The following ZDHHC24 variants were observed in gnomAD, a reference collection of about 807,000 sequenced individuals.
ZDHHC24 encodes probable palmitoyltransferase ZDHHC24.
A neutral mutation model predicts 23.2 loss-of-function variants in ZDHHC24; 17 were observed. The observed-to-expected ratio is 0.73, with a 90% CI of 0.50 to 1.10. The LOEUF is 1.10. Among genes scored for constraint, ZDHHC24 ranks in the 50% least tolerant of loss-of-function variants. ZDHHC24 has a pLI of 0.00. For synonymous variants in ZDHHC24, 186 were observed against 194.5 expected (o/e 0.96, Z 0.36); for missense variants, 366 against 393.0 (o/e 0.93, Z 0.58).
chr11:66,544,462 A>G (rs1184079369), intron 1 of ZDHHC24, among the ~76,000 whole-genome samples: 3 of 152,038 alleles, frequency 2.0e-5, no homozygotes, highest in African/African-American at 4.8e-5. Context: ...ACATCCTTCT[A>G]TCTGTGACAT....
At chr11:66,522,249 TA>T (rs1273854754) in intron 4 of ZDHHC24, among the ~76,000 whole-genome samples, 19 of 148,510 alleles carry the variant, frequency 1.3e-4, no homozygotes, top group Non-Finnish European at 2.7e-4. Context: ...TGGGAAGAAA[TA>T]AAAAAAAATT....
downstream of ZDHHC24, among the ~76,000 whole-genome samples, chr11:66,534,315 C>T (rs554355581): frequency 1.1e-4 from 17 of 151,508 alleles, no homozygotes; most frequent in African/African-American, 3.1e-4. Context: ...TGGTGGCAGG[C>T]GCGTGTAATC....
chr11:66,530,891 T>C, downstream of ZDHHC24: 2 of 1,614,168 alleles, frequency 1.2e-6, no homozygotes, highest in Non-Finnish European at 1.7e-6. Flanking sequence ...ACCCTCTCCA[T>C]AGGTTCAGGG....
intron 4 of ZDHHC24, among the ~76,000 whole-genome samples, chr11:66,525,093 A>G (rs913323736): frequency 2.0e-5 from 3 of 151,714 alleles, no homozygotes; most frequent in Non-Finnish European, 1.5e-5. Context: ...CCAGCTACTC[A>G]GGAGGCTGAG....
At chr11:66,527,194 G>T in intron 3 of ZDHHC24, 2 of 565,848 alleles carry the variant, frequency 3.5e-6, no homozygotes, top group Non-Finnish European at 3.1e-6. Context: ...GTAACATAAT[G>T]ATACTTCTTT....
chr11:66,539,686 C>T lies in ZDHHC24; in HGVS notation c.698G>A (p.Gly233Asp), dbSNP rs764459183. The stretch of plus-strand genomic sequence containing the variant: ...GGGACCCAGGTCATAGGAGTGCTGG[C>T]CCCGAGCCCACTCCCATGTGGTCTG... Reference protein sequence around the residue: ...RGQTTWEWARGQHSYDLGPCH... With the variant: ...RGQTTWEWARDQHSYDLGPCH... The change falls in exon 3 of 3, where the codon GGC (glycine) becomes GAC (aspartate). Residue 233 changes from glycine (G) to aspartate (D), a missense_variant. Physicochemically the swap from Gly to Asp is moderately conservative, Grantham distance 94. Transcript: ENST00000310442. 3 of 1,611,152 alleles carry T rather than the reference C, an allele frequency of 1.9e-6. No individual in the cohort carries two copies. Among genetic ancestry groups the T allele is most frequent in the Non-Finnish European group, 1.7e-6 (2 of 1,179,542 alleles).
At chr11:66,526,736 T>C in intron 4 of ZDHHC24, 4 of 1,614,204 alleles carry the variant, frequency 2.5e-6, no homozygotes, top group Non-Finnish European at 3.4e-6. Flanking sequence ...GCCCAGGCCA[T>C]GAAACTCAAT....
intron 4 of ZDHHC24, chr11:66,526,502 A>G: frequency 1.0e-6 from 1 of 978,458 alleles, no homozygotes; most frequent in Non-Finnish European, 1.6e-6. Context: ...ATTAAGATGC[A>G]CTTTGTTACT....
downstream of ZDHHC24, chr11:66,532,144 C>G: frequency 8.3e-7 from 1 of 1,207,744 alleles, no homozygotes; most frequent in Non-Finnish European, 1.2e-6. Flanking sequence ...GGCGACAGCT[C>G]GTCTCCCCTC....
At chr11:66,531,088 G>A, downstream of ZDHHC24, 2 of 1,603,560 alleles carry the variant, frequency 1.2e-6, no homozygotes, top group Non-Finnish European at 1.7e-6. Context: ...GGCCTGATGA[G>A]ATGCCCACAG....
At chr11:66,532,600 C>T, downstream of ZDHHC24, 1 of 155,868 alleles carries the variant, frequency 6.4e-6, no homozygotes, top group Non-Finnish European at 1.4e-5. Flanking sequence ...GAATAGCCCT[C>T]CTCTCCCCAG....
chr11:66,539,227 G>A lies in ZDHHC24; in HGVS notation c.*302C>T. On this transcript the variant is annotated 3_prime_UTR_variant, in exon 3 of 3. Coordinates refer to ENST00000310442, the MANE Select transcript of ZDHHC24 (RefSeq NM_207340.3). ...GAAACAGCCCCAGCAACAAAGTGAG[G>A]GGCCAGAAACTATGCAAAGATGGAG... 9.1e-7 allele frequency: 1 copy of A among 1,097,676 alleles called. No individual in the cohort carries two copies. Among genetic ancestry groups the A allele is most frequent in the Non-Finnish European group, 1.1e-6 (1 of 903,150 alleles). The allele number at this position is 1,097,676 out of a possible 1,614,324, so 68.0% of individuals were successfully genotyped here.
downstream of ZDHHC24, chr11:66,533,494 C>A (rs796828171): frequency 1.3e-5 from 2 of 152,198 alleles, no homozygotes; most frequent in South Asian, 4.1e-4. Context: ...CCTCCCCCAT[C>A]CCTAGTTATT....
At chr11:66,523,455 G>A in intron 4 of ZDHHC24, 1 of 1,614,164 alleles carries the variant, frequency 6.2e-7, no homozygotes, top group Non-Finnish European at 8.5e-7. Context: ...TTATTCCACA[G>A]AGACTCCAAG....
At chr11:66,543,557 G>T in intron 2 of ZDHHC24, 147 bp downstream of exon 2, 1 of 1,036,958 alleles carries the variant, frequency 9.6e-7, no homozygotes, top group Non-Finnish European at 1.4e-6. Context: ...ACCCCCGGGT[G>T]AATACCAAGC....
At chr11:66,541,359 C>T (rs1490171143) in intron 2 of ZDHHC24, among the ~76,000 whole-genome samples, 2 of 151,058 alleles carry the variant, frequency 1.3e-5, no homozygotes, top group East Asian at 1.9e-4. Context: ...GCCGAGATCG[C>T]GCTATTGCAC....
At position 66,524,089 on chromosome 11, in the gene ZDHHC24, A is replaced by G. The variant is rs1791683; in HGVS notation, c.*22-2623T>C. 0.57 allele frequency: 384,671 copies of G among 674,796 alleles called. 115,061 individuals carry two copies. The highest frequency in any genetic ancestry group is 0.89 in the African/African-American group (50,196 of 56,410). 41.8% of individuals were successfully genotyped at this position (674,796 alleles called of 1,614,324 possible). Reference sequence around the variant, plus strand: ...GAGGTAAGGAGTTCAAAACCAGCCTAGCCAACATGGCATAACCCCCTTGCT... The same window carrying G: ...GAGGTAAGGAGTTCAAAACCAGCCTGGCCAACATGGCATAACCCCCTTGCT... On this transcript the variant is annotated intron_variant, in intron 4 of 4. Transcript: ENST00000526986.
Position 66,545,881 on chromosome 11 carries a change from G to T in ZDHHC24, c.123C>A (p.Pro41=). Residue 41 remains proline, a synonymous_variant, in exon 1 of 3, where the codon CCC becomes CCA. Coordinates refer to ENST00000310442, the MANE Select transcript of ZDHHC24 (RefSeq NM_207340.3). The surrounding 1 kb of genome is among the most constrained non-coding windows in gnomAD (Gnocchi z 4.5). ...CCAGGGGTCCCAGCGGCGGCGGCCCGGGACCGAGCACCAGCACGTAAGCCA... is the reference window on the plus strand; with the variant it reads ...CCAGGGGTCCCAGCGGCGGCGGCCCTGGACCGAGCACCAGCACGTAAGCCA... The part of the protein sequence containing the change: ...LELAYVLVLG[P]GPPPLGPLAR... 1 of 1,544,922 alleles carries T rather than the reference G, an allele frequency of 6.5e-7. No individual in the cohort carries two copies. The highest frequency in any genetic ancestry group is 8.7e-7 in the Non-Finnish European group (1 of 1,151,854).
Position 66,529,873 on chromosome 11 carries a change from G to A in ZDHHC24, c.560-385C>T, listed in dbSNP as rs146072788. ...TACCTGCTGCGCCTACGTGCTGCCC[G>A]CGCCTACCTGCAGGCCCTCGAGTCC... On this transcript the variant is annotated intron_variant, in intron 2 of 4. Coordinates refer to the ZDHHC24 transcript ENST00000526986. 1.9e-5 allele frequency: 30 copies of A among 1,609,958 alleles called. No individual in the cohort carries two copies. Among genetic ancestry groups the A allele is most frequent in the African/African-American group, 9.3e-5 (7 of 74,974 alleles).
Sources: allele counts gnomAD v4.1 joint callset (sites outside exome capture counted in the v4.1 genomes callset), GRCh38; gene constraint gnomAD v4.1.1; non-coding constraint Gnocchi (gnomAD v3.1); transcripts MANE v1.5; gene names NCBI Gene and HGNC (gene_info 2026-07-23, HGNC 2026-07-21).